Variants in CEMIP observed in about 807,000 individuals in gnomAD.
CEMIP encodes the protein cell migration inducing hyaluronidase 1, also known as cell migration-inducing and hyaluronan-binding protein.
In CEMIP, 105 loss-of-function variants were observed where a neutral mutation model predicts 156.9. That is an observed-to-expected ratio of 0.67 (90% confidence interval 0.57 to 0.79). The LOEUF is 0.79. CEMIP is among the 30% of genes least tolerant of loss of function. The pLI is 0.00. For missense variants in CEMIP, 1,457 were observed against 1,769.4 expected (o/e 0.82, Z 3.17); for synonymous variants, 676 against 668.4 (o/e 1.01, Z -0.17).
chr15:80,874,729 C>A (rs538383045), intron 3 of CEMIP, among the ~76,000 whole-genome samples: 1 of 152,312 alleles, frequency 6.6e-6, no homozygotes, highest in East Asian at 1.9e-4. Flanking sequence ...AAACACTGAT[C>A]AGATAATCCA....
chr15:80,917,043 T>C (rs919230325), intron 14 of CEMIP, among the ~76,000 whole-genome samples: 2 of 152,230 alleles, frequency 1.3e-5, no homozygotes, highest in African/African-American at 4.8e-5. Flanking sequence ...GCGTCACTTA[T>C]AGAATCGTAG....
intron 12 of CEMIP, chr15:80,897,143 A>G (rs1596168482): frequency 2.8e-6 from 1 of 359,038 alleles, no homozygotes; most frequent in East Asian, 7.8e-5. Context: ...ATCAGAACTT[A>G]AGAGGTGTTA....
Position 80,933,457 on chromosome 15 carries a change from A to G in CEMIP, c.3006A>G (p.Ala1002=). ...GGGCCATTTGCAGTGGGTGCTATGC[A>G]CAGGTGGGGACACCATTCTGGGGGC... ...WRGAICSGCY[A]QMYIQAYKTS... is the part of the protein sequence containing the mutation. Residue 1002 remains alanine (A), a synonymous_variant, in exon 23 of 30, where the codon GCA becomes GCG. Coordinates refer to ENST00000394685, the MANE Select transcript of CEMIP (RefSeq NM_001293298.2). 6.2e-7 allele frequency: 1 copy of G among 1,612,966 alleles called. No individual in the cohort carries two copies. The highest frequency in any genetic ancestry group is 8.5e-7 in the Non-Finnish European group (1 of 1,178,978).
At chr15:80,817,602 A>AAATAATAATGAT (rs1896815997) in intron 1 of CEMIP, among the ~76,000 whole-genome samples, 1 of 138,768 alleles carries the variant, frequency 7.2e-6, no homozygotes, top group South Asian at 2.5e-4. Context: ...CCCTGTCTCA[A>AAATAATAATGAT]AATAATAATA....
At chr15:80,901,347 A>G (rs1323112014) in intron 12 of CEMIP, among the ~76,000 whole-genome samples, 2 of 152,176 alleles carry the variant, frequency 1.3e-5, no homozygotes, top group Non-Finnish European at 2.9e-5. Context: ...TTAATTTCCA[A>G]TATGGTGGCC....
chr15:80,941,561 C>G (rs1901336482), intron 25 of CEMIP, among the ~76,000 whole-genome samples: 1 of 152,168 alleles, frequency 6.6e-6, no homozygotes, highest in Non-Finnish European at 1.5e-5. Flanking sequence ...ACCTACTGGA[C>G]AGGATTGTTT....
At position 80,807,110 on chromosome 15, in the gene CEMIP, T is replaced by C. The variant is rs577140710; in HGVS notation, c.-176+27496T>C. ...ACTAAAATTGTGGGCTGGGCTTTCT[T>C]AAAACAGGTTTAAAGAAAAGGTGGG... is the stretch of plus-strand genomic sequence containing the variant. On this transcript the variant is annotated intron_variant, in intron 1 of 29. Transcript: ENST00000394685. Among the ~76,000 whole-genome samples, 34 of 152,234 alleles carry C rather than the reference T, an allele frequency of 2.2e-4. No individual in the cohort carries two copies. In the South Asian group the frequency reaches 5.0e-3, roughly 22 times the overall value.
chr15:80,937,685 G>A (rs1901180805), intron 24 of CEMIP, 109 bp from the exon 25 acceptor site: 11 of 954,362 alleles, frequency 1.2e-5, no homozygotes, highest in Non-Finnish European at 1.7e-6. Flanking sequence ...ATACAAAAGT[G>A]GAGGTGTCAT....
rs534339914 is a variant in CEMIP, at chr15:80,855,146, C to T, written c.-175-18392C>T. On this transcript the variant is annotated intron_variant, in intron 1 of 29. Coordinates refer to ENST00000394685, the MANE Select transcript of CEMIP (RefSeq NM_001293298.2). Reference sequence around the variant, plus strand: ...AGGCTGCAGTGAGATGTGATCATGCCACTGCACTGAAGCTCTTTGAGACAG... The same window carrying T: ...AGGCTGCAGTGAGATGTGATCATGCTACTGCACTGAAGCTCTTTGAGACAG... Among the ~76,000 whole-genome samples, 8 of 152,292 alleles carry T rather than the reference C, an allele frequency of 5.3e-5. 1 individual carries two copies. The highest frequency in any genetic ancestry group is 3.9e-4 in the Admixed American group (6 of 15,302).
chr15:80,823,509 C>A (rs984835082), intron 1 of CEMIP, among the ~76,000 whole-genome samples: 1 of 152,176 alleles, frequency 6.6e-6, no homozygotes, highest in African/African-American at 2.4e-5. Context: ...CTTAGCTCAG[C>A]TTTCCAACAG....
chr15:80,850,431 C>A (rs1054031654), intron 1 of CEMIP, among the ~76,000 whole-genome samples: 3 of 152,156 alleles, frequency 2.0e-5, no homozygotes, highest in Admixed American at 6.5e-5. Flanking sequence ...CATGTGCCAC[C>A]ATGCCTAGCT....
At chr15:80,839,958 G>T (rs1349617637) in intron 1 of CEMIP, among the ~76,000 whole-genome samples, 1 of 152,220 alleles carries the variant, frequency 6.6e-6, no homozygotes. Context: ...TAAAAATGAA[G>T]AAGTGACAAG....
At position 80,948,942 on chromosome 15, in the gene CEMIP, T is replaced by A. The variant is rs1053904342; in HGVS notation, c.*18T>A. The A allele has an allele frequency of 6.2e-7, 1 of 1,614,114 alleles. No homozygotes were observed. Among genetic ancestry groups the A allele is most frequent in the Non-Finnish European group, 8.5e-7 (1 of 1,179,960 alleles). ...AGTTGTGAGGACAGCTGCCGCCCGG[T>A]GCCACCTCGTGGTAGACTATGACGG... On this transcript the variant is annotated 3_prime_UTR_variant, in exon 30 of 30. Transcript: ENST00000394685.
intron 1 of CEMIP, among the ~76,000 whole-genome samples, chr15:80,792,139 G>A (rs896930019): frequency 2.6e-5 from 4 of 152,176 alleles, no homozygotes; most frequent in African/African-American, 9.7e-5. Context: ...AGCCAGAGGA[G>A]AGAAAGTCAC....
At chr15:80,833,446 C>G (rs558742223) in intron 1 of CEMIP, among the ~76,000 whole-genome samples, 2 of 152,300 alleles carry the variant, frequency 1.3e-5, no homozygotes, top group East Asian at 3.9e-4. Flanking sequence ...AACGTAAGAA[C>G]TCAGAATTTA....
At chr15:80,915,286 GT>G (rs1186559506) in intron 14 of CEMIP, among the ~76,000 whole-genome samples, 3 of 152,302 alleles carry the variant, frequency 2.0e-5, no homozygotes, top group Non-Finnish European at 4.4e-5. Flanking sequence ...GACGGTTATC[GT>G]TTTTGTTTCA....
chr15:80,895,323 G>A (rs1288369856), intron 11 of CEMIP, among the ~76,000 whole-genome samples: 1 of 152,214 alleles, frequency 6.6e-6, no homozygotes, highest in East Asian at 1.9e-4. Flanking sequence ...TTTCAGGAAG[G>A]GGAAGGGCCT....
At chr15:80,871,530 G>A (rs1191510539) in intron 1 of CEMIP, among the ~76,000 whole-genome samples, 3 of 152,192 alleles carry the variant, frequency 2.0e-5, no homozygotes, top group African/African-American at 2.4e-5. Flanking sequence ...GTCCACAGAA[G>A]GAAATGTCTT....
chr15:80,878,617 AGGT>A, intron 3 of CEMIP, 101 bp from the exon 4 acceptor site: 1 of 1,442,150 alleles, frequency 6.9e-7, no homozygotes, highest in Non-Finnish European at 9.6e-7. Context: ...AACAGAGAGG[AGGT>A]AGGGGCCTTA....
Sources: gnomAD v4.1 joint callset for allele counts (sites outside exome capture counted in the v4.1 genomes callset) on GRCh38, gnomAD v4.1.1 for gene constraint, MANE v1.5 for transcripts, NCBI Gene and HGNC (gene_info 2026-07-23, HGNC 2026-07-21) for gene names.